The following EPN2 variants were observed in gnomAD, a reference collection of about 807,000 sequenced individuals.
EPN2 encodes the protein epsin 2.
A neutral mutation model predicts 61.7 loss-of-function variants in EPN2; 34 were observed. That is an observed-to-expected ratio of 0.55 (90% CI 0.42 to 0.73). EPN2 has a LOEUF of 0.73. Among genes scored for constraint, EPN2 ranks in the 30% least tolerant of loss-of-function variants. The pLI, the probability that EPN2 is intolerant of heterozygous loss-of-function variation, is 0.00. For synonymous variants in EPN2, 349 were observed against 353.6 expected (o/e 0.99, Z 0.15); for missense variants, 714 against 839.2 (o/e 0.85, Z 1.84).
intron 7 of EPN2, among the ~76,000 whole-genome samples, chr17:19,316,401 G>A (rs1157130232): frequency 6.6e-6 from 1 of 152,220 alleles, no homozygotes; most frequent in Non-Finnish European, 1.5e-5. Context: ...CAGTGACTTG[G>A]GGAGGAGATA....
At chr17:19,252,376 AACTT>A (rs2045024946) in intron 1 of EPN2, among the ~76,000 whole-genome samples, 2 of 152,174 alleles carry the variant, frequency 1.3e-5, no homozygotes, top group Non-Finnish European at 2.9e-5. Flanking sequence ...GATCTTTGGA[AACTT>A]ACTTAAAAAC....
intron 1 of EPN2, among the ~76,000 whole-genome samples, chr17:19,250,929 T>C (rs1412409456): frequency 6.6e-6 from 1 of 151,510 alleles, no homozygotes; most frequent in Non-Finnish European, 1.5e-5. Context: ...CCTCCTCCTC[T>C]CTGTGCCCTT....
chr17:19,254,511 A>G (rs991373666), intron 1 of EPN2, among the ~76,000 whole-genome samples: 1 of 152,220 alleles, frequency 6.6e-6, no homozygotes, highest in African/African-American at 2.4e-5. Flanking sequence ...ACCGCACTCC[A>G]TCTTGGGGGA....
chr17:19,312,846 C>A, intron 6 of EPN2: 1 of 443,576 alleles, frequency 2.3e-6, no homozygotes, highest in Non-Finnish European at 4.0e-6. Flanking sequence ...CCAGTGTTAG[C>A]CTGGAAAAGT....
Position 19,313,281 on chromosome 17 carries a change from T to A in EPN2, c.1147+2T>A. ...CTTCAGACCCCTGGCCATCGTTTGGTAAAGACCCCATTACTGGTCTCCCGT... is the reference window on the plus strand; with the variant it reads ...CTTCAGACCCCTGGCCATCGTTTGGAAAAGACCCCATTACTGGTCTCCCGT... On this transcript the variant is annotated splice_donor_variant, in intron 7 of 10. Transcript: ENST00000314728. LOFTEE classifies it high-confidence loss of function. 1 of 1,527,976 alleles carries A rather than the reference T, an allele frequency of 6.5e-7. No homozygotes were observed. The highest frequency in any genetic ancestry group is 8.8e-7 in the Non-Finnish European group (1 of 1,141,640). The allele number at this position is 1,527,976 out of a possible 1,614,324, so 94.7% of individuals were successfully genotyped here.
chr17:19,250,763 A>G (rs974858985), intron 1 of EPN2, among the ~76,000 whole-genome samples: 1 of 152,084 alleles, frequency 6.6e-6, no homozygotes, highest in Admixed American at 6.6e-5. Flanking sequence ...GCTTACACAG[A>G]GTCCAGTCAG....
intron 1 of EPN2, among the ~76,000 whole-genome samples, chr17:19,245,345 G>A (rs768376257): frequency 6.6e-6 from 1 of 152,036 alleles, no homozygotes; most frequent in Non-Finnish European, 1.5e-5. Context: ...GCACACTGGT[G>A]TGGGTACTAA....
At chr17:19,303,542 G>T (rs191049149) in intron 4 of EPN2, among the ~76,000 whole-genome samples, 1 of 152,288 alleles carries the variant, frequency 6.6e-6, no homozygotes, top group East Asian at 1.9e-4. Context: ...CCGGAATCAC[G>T]GCTAGAGTCT....
intron 9 of EPN2, 36 bp from the exon 10 acceptor site, chr17:19,331,817 C>T: frequency 6.4e-7 from 1 of 1,572,874 alleles, no homozygotes; most frequent in Non-Finnish European, 8.8e-7. Context: ...CTCTCCCTGC[C>T]ACACTCACCC....
chr17:19,295,341 T>TACACACAC (rs761662309), intron 4 of EPN2, among the ~76,000 whole-genome samples: 28 of 145,140 alleles, frequency 1.9e-4, no homozygotes, highest in African/African-American at 4.6e-4. Flanking sequence ...CTATTAAAAA[T>TACACACAC]ACACACACAC....
At chr17:19,260,639 A>C (rs1473109569) in intron 1 of EPN2, among the ~76,000 whole-genome samples, 1 of 148,160 alleles carries the variant, frequency 6.7e-6, no homozygotes, top group East Asian at 2.0e-4. Context: ...TTTTTTTTTT[A>C]ATGAAATGCT....
intron 1 of EPN2, among the ~76,000 whole-genome samples, chr17:19,272,981 C>G (rs1345346403): frequency 6.6e-6 from 1 of 152,218 alleles, no homozygotes; most frequent in East Asian, 1.9e-4. Context: ...CTGCTCCTCC[C>G]AGAGACTAAA....
At chr17:19,237,646 C>T (rs1383795643) in intron 1 of EPN2, 115 bp downstream of exon 1, 1 of 152,200 alleles carries the variant, frequency 6.6e-6, no homozygotes, top group Admixed American at 6.5e-5. Context: ...TCACCAGCCC[C>T]GCCAGGGCAT....
intron 7 of EPN2, among the ~76,000 whole-genome samples, chr17:19,326,053 A>G (rs1336450116): frequency 6.6e-6 from 1 of 152,228 alleles, no homozygotes; most frequent in East Asian, 1.9e-4. Flanking sequence ...AAAGTTGTAC[A>G]AATATCTGTG....
Position 19,283,565 on chromosome 17 carries a change from A to C in EPN2, c.446A>C (p.Lys149Thr). 1 of 1,614,222 alleles carries C rather than the reference A, an allele frequency of 6.2e-7. No homozygotes were observed. Among genetic ancestry groups the C allele is most frequent in the Non-Finnish European group, 8.5e-7 (1 of 1,180,040 alleles). The change falls in exon 3 of 11, where the codon AAA becomes ACA. Residue 149 changes from lysine to threonine, a missense_variant. Coordinates refer to ENST00000314728, the MANE Select transcript of EPN2 (RefSeq NM_014964.5). The surrounding 1 kb of genome is among the most constrained non-coding windows in gnomAD (Gnocchi z 7.0). Reference sequence around the variant, plus strand: ...AAGGCTGAGAGGGCCCAGGCTCTCAAAACCAAAGAGCGCATGGCCCAGGTT... The same window carrying C: ...AAGGCTGAGAGGGCCCAGGCTCTCACAACCAAAGAGCGCATGGCCCAGGTT... ...RLKAERAQAL[K>T]TKERMAQVAT...
intron 1 of EPN2, among the ~76,000 whole-genome samples, chr17:19,251,683 C>G (rs1376681443): frequency 2.0e-5 from 3 of 152,112 alleles, no homozygotes; most frequent in Non-Finnish European, 4.4e-5. Context: ...ATCTGCCCAC[C>G]TTGGCTTCCC....
At position 19,335,266 on chromosome 17, in the gene EPN2, A is replaced by T. The variant is rs1907350677; in HGVS notation, c.*1012A>T. 1.3e-6 allele frequency: 1 copy of T among 784,118 alleles called. No individual in the cohort carries two copies. Among genetic ancestry groups the T allele is most frequent in the Non-Finnish European group, 1.9e-6 (1 of 518,178 alleles). 48.6% of individuals were successfully genotyped at this position (784,118 alleles called of 1,614,324 possible). ...TTTTGGTGAATTACTAAACTGATTGACTTTCAGCCTTTTTGGCTAGATCCT... is the reference window on the plus strand; with the variant it reads ...TTTTGGTGAATTACTAAACTGATTGTCTTTCAGCCTTTTTGGCTAGATCCT... On this transcript the variant is annotated 3_prime_UTR_variant, in exon 11 of 11. Transcript: ENST00000314728.
chr17:19,250,850 CCCCCCTCA>C (rs2045008062), intron 1 of EPN2, among the ~76,000 whole-genome samples: 1 of 147,070 alleles, frequency 6.8e-6, no homozygotes. Flanking sequence ...CCCTGCACCT[CCCCCCTCA>C]CTTACTGCCT....
intron 4 of EPN2, among the ~76,000 whole-genome samples, chr17:19,309,097 T>A (rs1345687972): frequency 6.6e-6 from 1 of 152,164 alleles, no homozygotes. Flanking sequence ...GCGGGCTTCA[T>A]TTTCCATGAT....
Sources: allele counts gnomAD v4.1 joint callset (sites outside exome capture counted in the v4.1 genomes callset), GRCh38; gene constraint gnomAD v4.1.1; non-coding constraint Gnocchi (gnomAD v3.1); transcripts MANE v1.5; gene names NCBI Gene and HGNC (gene_info 2026-07-23, HGNC 2026-07-21).